Variants in KIAA1586 observed in about 807,000 individuals in gnomAD.
The protein encoded by KIAA1586 is E3 SUMO-protein ligase KIAA1586.
Under a neutral mutation model 6.1 loss-of-function variants are expected in KIAA1586, and 5 were observed. The ratio of observed to expected loss-of-function variants is 0.82; its 90% CI spans 0.43 to 1.73. The LOEUF is 1.73. Among genes scored for constraint, KIAA1586 ranks in the 40% most tolerant of loss-of-function variants. KIAA1586 has a pLI of 0.02. For missense variants in KIAA1586, 899 were observed against 878.2 expected (o/e 1.02, Z -0.30); for synonymous variants, 280 against 301.7 (o/e 0.93, Z 0.75).
chr6:57,050,143 A>G (rs555981183), intron 2 of KIAA1586, among the ~76,000 whole-genome samples: 5 of 151,164 alleles, frequency 3.3e-5, no homozygotes, highest in African/African-American at 7.3e-5. Context: ...TGAAATCTGT[A>G]TCTTTTTAAA....
At chr6:57,060,133 CAG>C (rs1354556023), downstream of KIAA1586, among the ~76,000 whole-genome samples, 2 of 152,266 alleles carry the variant, frequency 1.3e-5, no homozygotes, top group African/African-American at 2.4e-5. Context: ...ATCACTTAAA[CAG>C]ATTTATAATC....
chr6:57,060,682 T>G, the KIAA1586 span, among the ~76,000 whole-genome samples: 3 of 152,318 alleles, frequency 2.0e-5, no homozygotes, highest in Admixed American at 6.5e-5. Context: ...TAATAGGGTC[T>G]CTTTGTTTTG....
At chr6:57,063,681 C>T in the KIAA1586 span, among the ~76,000 whole-genome samples, 13 of 151,732 alleles carry the variant, frequency 8.6e-5, no homozygotes, top group South Asian at 2.1e-4. Flanking sequence ...CTCAAACTTC[C>T]GACCTCAAGC....
At chr6:57,061,365 T>C in the KIAA1586 span, among the ~76,000 whole-genome samples, 1 of 152,190 alleles carries the variant, frequency 6.6e-6, no homozygotes, top group Non-Finnish European at 1.5e-5. Context: ...AGGATAATAA[T>C]TGCATCTTGA....
downstream of KIAA1586, among the ~76,000 whole-genome samples, chr6:57,056,782 C>G (rs867205564): frequency 2.0e-5 from 3 of 152,148 alleles, no homozygotes; most frequent in Non-Finnish European, 1.5e-5. Context: ...AAACAGCCTT[C>G]CTGCCTTGGC....
At chr6:57,064,219 T>C in the KIAA1586 span, among the ~76,000 whole-genome samples, 1 of 152,224 alleles carries the variant, frequency 6.6e-6, no homozygotes, top group Non-Finnish European at 1.5e-5. Context: ...AAAATTTAAG[T>C]TGTATTCCTA....
At chr6:57,051,180 C>T (rs1593048145) in intron 3 of KIAA1586, among the ~76,000 whole-genome samples, 2 of 148,462 alleles carry the variant, frequency 1.3e-5, no homozygotes, top group African/African-American at 2.5e-5. Flanking sequence ...TGCAGTGAGC[C>T]GAGATCATGC....
In KIAA1586 at chr6:57,054,509, T is replaced by G; in HGVS notation, c.2010T>G (p.Asp670Glu). The change falls in exon 4 of 4, where the codon GAT becomes GAG. Residue 670 changes from aspartate to glutamate, a missense_variant. Coordinates refer to ENST00000370733, the MANE Select transcript of KIAA1586 (RefSeq NM_020931.4). ...TAAAATATGAAGTTGATTTGAATGA[T>G]TTTCGGGAATTTGTAAATAATAATA... ...KILKYEVDLN[D>E]FREFVNNNIK... 6.9e-6 allele frequency: 11 copies of G among 1,593,232 alleles called. No individual in the cohort carries two copies. Among genetic ancestry groups the G allele is most frequent in the Non-Finnish European group, 9.4e-6 (11 of 1,170,272 alleles).
chr6:57,061,251 C>T, the KIAA1586 span, among the ~76,000 whole-genome samples: 2 of 152,196 alleles, frequency 1.3e-5, no homozygotes, highest in Non-Finnish European at 2.9e-5. Context: ...GCTGGGATTA[C>T]AGGCATGAGC....
chr6:57,062,516 C>G, the KIAA1586 span, among the ~76,000 whole-genome samples: 3 of 152,134 alleles, frequency 2.0e-5, no homozygotes, highest in Non-Finnish European at 4.4e-5. Context: ...GGAGTGACTG[C>G]TCTTAAATAT....
Position 57,053,857 on chromosome 6 carries a change from A to G in KIAA1586, c.1358A>G (p.Gln453Arg). Reference protein sequence around the residue: ...FIDKIYSIYHQPNKNQTKLLG... With the variant: ...FIDKIYSIYHRPNKNQTKLLG... The stretch of plus-strand genomic sequence containing the variant: ...GATAAAATTTATTCTATTTATCATC[A>G]ACCTAATAAAAATCAAACCAAGCTT... The change falls in exon 4 of 4, where the codon CAA becomes CGA. Residue 453 changes from glutamine to arginine, a missense_variant. By Grantham distance (43) the Gln-to-Arg change is conservative (BLOSUM62 1). Coordinates refer to ENST00000370733, the MANE Select transcript of KIAA1586 (RefSeq NM_020931.4). The G allele has an allele frequency of 6.5e-7, 1 of 1,545,404 alleles. No individual in the cohort carries two copies. The highest frequency in any genetic ancestry group is 8.8e-7 in the Non-Finnish European group (1 of 1,142,818).
intron 2 of KIAA1586, among the ~76,000 whole-genome samples, chr6:57,050,073 G>A (rs1162368256): frequency 6.6e-6 from 1 of 151,788 alleles, no homozygotes; most frequent in Non-Finnish European, 1.5e-5. Context: ...TGAATTCCTG[G>A]GCTCAAGTGA....
At chr6:57,051,769 A>G (rs1230241282) in intron 3 of KIAA1586, among the ~76,000 whole-genome samples, 1 of 152,130 alleles carries the variant, frequency 6.6e-6, no homozygotes, top group Non-Finnish European at 1.5e-5. Context: ...CCTCATCTCT[A>G]CCAAAGATAC....
At chr6:57,058,135 C>A (rs1229846182), downstream of KIAA1586, among the ~76,000 whole-genome samples, 1 of 151,574 alleles carries the variant, frequency 6.6e-6, no homozygotes, top group Non-Finnish European at 1.5e-5. Flanking sequence ...ATAACAGTTT[C>A]AGCTAGATGA....
At chr6:57,063,455 T>TC in the KIAA1586 span, among the ~76,000 whole-genome samples, 3 of 139,124 alleles carry the variant, frequency 2.2e-5, no homozygotes, top group Admixed American at 1.4e-4. Flanking sequence ...TATTTCTTTT[T>TC]TTTTTTTTTT....
intron 3 of KIAA1586, among the ~76,000 whole-genome samples, chr6:57,051,984 T>A (rs895225184): frequency 2.6e-5 from 4 of 151,704 alleles, no homozygotes; most frequent in East Asian, 1.9e-4. Context: ...AAAAAAAAAA[T>A]TTTTTTTTAA....
chr6:57,057,745 CCAAGT>C (rs201345356), downstream of KIAA1586, among the ~76,000 whole-genome samples: 3,397 of 151,750 alleles, frequency 0.022, 133 homozygotes, highest in African/African-American at 0.078. Flanking sequence ...GAGCAAGACT[CCAAGT>C]CAAAAAAAAA....
At chr6:57,064,655 T>C in the KIAA1586 span, among the ~76,000 whole-genome samples, 2 of 152,308 alleles carry the variant, frequency 1.3e-5, no homozygotes, top group Admixed American at 1.3e-4. Context: ...GCAGGTGGAT[T>C]CGTGGATGGT....
chr6:57,047,909 A>G (rs1372496702), intron 2 of KIAA1586, among the ~76,000 whole-genome samples: 4 of 133,026 alleles, frequency 3.0e-5, no homozygotes, highest in Non-Finnish European at 6.3e-5. Flanking sequence ...AACATGCTCT[A>G]TTTTTCTGAG....
Sources: allele counts gnomAD v4.1 joint callset (sites outside exome capture counted in the v4.1 genomes callset), GRCh38; gene constraint gnomAD v4.1.1; transcripts MANE v1.5; gene names NCBI Gene and HGNC (gene_info 2026-07-23, HGNC 2026-07-21).